TSTD2: variants seen among roughly 807,000 people sequenced by gnomAD.
TSTD2 encodes thiosulfate sulfurtransferase like domain containing 2, also known as thiosulfate sulfurtransferase/rhodanese-like domain-containing protein 2.
TSTD2 carries 37 observed loss-of-function variants against 47.9 expected under a neutral mutation model. That is an observed-to-expected ratio of 0.77 (90% CI 0.59 to 1.02). TSTD2 has a LOEUF of 1.02. TSTD2 is among the 50% of genes least tolerant of loss of function. TSTD2 has a pLI of 0.00. For missense variants in TSTD2, 586 were observed against 616.0 expected (o/e 0.95, Z 0.52); for synonymous variants, 201 against 215.9 (o/e 0.93, Z 0.61).
chr9:97,605,726 T>A (rs769538774), intron 7 of TSTD2, 85 bp from the exon 8 acceptor site: 1 of 1,550,952 alleles, frequency 6.4e-7, no homozygotes, highest in Non-Finnish European at 8.8e-7. Flanking sequence ...CAACAAACCC[T>A]ACTTAGCAAA....
rs1401108729 is a variant in TSTD2, at chr9:97,604,726, CCT to C, written c.1251_1252del (p.Glu418ValfsTer12). 6.2e-7 allele frequency: 1 copy of C among 1,614,038 alleles called. No homozygotes were observed. Among genetic ancestry groups the C allele is most frequent in the African/African-American group, 1.3e-5 (1 of 74,928 alleles). ...TGGGCTCTGAGCCTGTGCTGACCTA[CCT>C]GACACCACATCACTGTTGTAGGACA... On this transcript the variant is annotated frameshift_variant and splice_region_variant, in exon 9 of 10. Coordinates refer to ENST00000341170, the MANE Select transcript of TSTD2 (RefSeq NM_139246.5). LOFTEE classifies it low-confidence loss of function (END_TRUNC).
intron 4 of TSTD2, among the ~76,000 whole-genome samples, chr9:97,613,498 A>G (rs1826491840): frequency 6.6e-6 from 1 of 152,086 alleles, no homozygotes; most frequent in Non-Finnish European, 1.5e-5. Flanking sequence ...GGGACATTAG[A>G]GCCTGGGGTA....
rs1826463077 is a variant in TSTD2, at chr9:97,611,691, A to G, written c.612T>C (p.Ile204=). The change falls in exon 5 of 10, where the codon ATT becomes ATC. Residue 204 remains isoleucine (I), a synonymous_variant. Transcript: ENST00000341170. ...CTGTCCCATTGATTCCTTCTGCAGC[A>G]ATTCGAATCTGAGACACAAGACGGT... ...QHLHLTGKIR[I]AAEGINGTVG... The G allele has an allele frequency of 1.9e-6, 3 of 1,602,144 alleles. No homozygotes were observed.
At chr9:97,604,950 G>A in intron 8 of TSTD2, 85 bp from the exon 9 acceptor site, 3 of 1,557,192 alleles carry the variant, frequency 1.9e-6, no homozygotes, top group South Asian at 1.2e-5. Context: ...ATGGCGAGGA[G>A]TGCTGACGTA....
At chr9:97,631,920 C>G (rs778881533) in intron 1 of TSTD2, among the ~76,000 whole-genome samples, 3 of 152,156 alleles carry the variant, frequency 2.0e-5, no homozygotes, top group Non-Finnish European at 4.4e-5. Flanking sequence ...GCACCTTCCC[C>G]CTACCTCTCT....
In TSTD2 at chr9:97,600,735, C is replaced by A. The variant is rs920532877; in HGVS notation, c.*1734G>T. 23 of 1,007,242 alleles carry A rather than the reference C, an allele frequency of 2.3e-5. No individual in the cohort carries two copies. Among genetic ancestry groups the A allele is most frequent in the Non-Finnish European group, 2.6e-5 (22 of 843,194 alleles). 62.4% of individuals were successfully genotyped at this position (1,007,242 alleles called of 1,614,324 possible). ...ACAATGGTGAAGAAACTCCAGATAT[C>A]AAGGAATTGGGAAATCCTGGCCAAA... On this transcript the variant is annotated 3_prime_UTR_variant, in exon 10 of 10. Coordinates refer to ENST00000341170, the MANE Select transcript of TSTD2 (RefSeq NM_139246.5).
chr9:97,609,286 A>T (rs1002938029), intron 6 of TSTD2, among the ~76,000 whole-genome samples: 1 of 152,220 alleles, frequency 6.6e-6, no homozygotes, highest in Non-Finnish European at 1.5e-5. Flanking sequence ...AGCTCACATT[A>T]TACTTCTATT....
chr9:97,632,923 A>G (rs887359782), intron 1 of TSTD2, among the ~76,000 whole-genome samples: 2 of 152,236 alleles, frequency 1.3e-5, no homozygotes, highest in Admixed American at 6.5e-5. Flanking sequence ...AAAGCAGATA[A>G]GCCAGTATGG....
In TSTD2 at chr9:97,619,805, A is replaced by G. The variant is rs1164478269; in HGVS notation, c.483-1928T>C. 2.0e-5 allele frequency among the ~76,000 whole-genome samples: 3 copies of G among 152,190 alleles called. No individual in the cohort carries two copies. The East Asian group carries it at 5.8e-4, about 29-fold the overall frequency. ...TAGTTTTGGGGGAGTTAAAAGTTAT[A>G]CGCAAATTTTCAACTGCCCCTAATC... On this transcript the variant is annotated intron_variant, in intron 3 of 9. Transcript: ENST00000341170.
intron 1 of TSTD2, among the ~76,000 whole-genome samples, chr9:97,630,513 T>C (rs574906433): frequency 3.3e-5 from 5 of 150,522 alleles, no homozygotes; most frequent in African/African-American, 5.0e-5. Flanking sequence ...AAACAAATCA[T>C]GAAAATACCA....
chr9:97,613,243 G>A (rs929568132), intron 4 of TSTD2, among the ~76,000 whole-genome samples: 1 of 152,204 alleles, frequency 6.6e-6, no homozygotes, highest in Non-Finnish European at 1.5e-5. Flanking sequence ...TGAGGGCTGA[G>A]GGTATACATG....
At chr9:97,621,099 A>C (rs2131314624) in intron 3 of TSTD2, among the ~76,000 whole-genome samples, 1 of 152,338 alleles carries the variant, frequency 6.6e-6, no homozygotes, top group East Asian at 1.9e-4. Flanking sequence ...AAGCTGTGGC[A>C]GAAGAACATA....
intron 6 of TSTD2, among the ~76,000 whole-genome samples, chr9:97,608,294 G>C (rs7851371): frequency 6.6e-6 from 1 of 152,194 alleles, no homozygotes; most frequent in African/African-American, 2.4e-5. Context: ...TTGTTCTACT[G>C]GCCCTGAGAA....
At chr9:97,619,554 T>G (rs1826598300) in intron 3 of TSTD2, among the ~76,000 whole-genome samples, 1 of 152,126 alleles carries the variant, frequency 6.6e-6, no homozygotes, top group Non-Finnish European at 1.5e-5. Flanking sequence ...TTGCCCAGAC[T>G]GGTCTTGAAC....
At chr9:97,619,701 A>G (rs1826600048) in intron 3 of TSTD2, among the ~76,000 whole-genome samples, 1 of 151,908 alleles carries the variant, frequency 6.6e-6, no homozygotes, top group African/African-American at 2.4e-5. Flanking sequence ...ACAATATATA[A>G]TATACATAAC....
rs1429779286 is a variant in TSTD2, at chr9:97,625,814, C to T, written c.349G>A (p.Val117Met). The T allele has an allele frequency of 1.9e-6, 3 of 1,614,052 alleles. No homozygotes were observed. In the African/African-American group the frequency reaches 4.0e-5, roughly 22 times the overall value. The change falls in exon 3 of 10, where the codon GTG (valine) becomes ATG (methionine). Residue 117 changes from valine (V) to methionine (M), a missense_variant. Val to Met is a conservative substitution (Grantham distance 21, BLOSUM62 1). Transcript: ENST00000341170. ...QTASILKQLA[V>M]TLSTSKSLSS... ...AGACTCTTTGAGGTGCTCAATGTCA[C>T]AGCCAGTTGCTTTAAAATAGAAGCT...
At chr9:97,621,758 T>C (rs998294711) in intron 3 of TSTD2, among the ~76,000 whole-genome samples, 3 of 152,240 alleles carry the variant, frequency 2.0e-5, no homozygotes, top group African/African-American at 7.2e-5. Flanking sequence ...AAGATGTTTA[T>C]TAAAGACAAT....
At chr9:97,632,549 A>AT (rs36004486) in intron 1 of TSTD2, among the ~76,000 whole-genome samples, 83,940 of 147,188 alleles carry the variant, frequency 0.57, 24,670 homozygotes, top group Middle Eastern at 0.68. Flanking sequence ...GGCTCAGCTA[A>AT]TTTTTTTTTT....
rs898836472 is a variant in TSTD2, at chr9:97,600,294, T to C, written c.*2175A>G. ...CTGCCAGGAGTCAACATGAGATTCC[T>C]TTTGCTGGATATGCAGAAATGATAG... On this transcript the variant is annotated 3_prime_UTR_variant, in exon 10 of 10. Transcript: ENST00000341170. 5 of 986,118 alleles carry C rather than the reference T, an allele frequency of 5.1e-6. No homozygotes were observed. In the African/African-American group the frequency reaches 8.7e-5, roughly 17 times the overall value. The allele number at this position is 986,118 out of a possible 1,614,324, so 61.1% of individuals were successfully genotyped here. A position where few individuals can be genotyped will look rare whatever the true frequency, so the allele number is the denominator to read the frequency against.
Sources: gnomAD v4.1 joint callset for allele counts (sites outside exome capture counted in the v4.1 genomes callset) on GRCh38, gnomAD v4.1.1 for gene constraint, MANE v1.5 for transcripts, NCBI Gene and HGNC (gene_info 2026-07-23, HGNC 2026-07-21) for gene names.